Variants in FAM131C observed in about 807,000 individuals in gnomAD.
The protein encoded by FAM131C is family with sequence similarity 131 member C.
In FAM131C, 14 loss-of-function variants were observed where a neutral mutation model predicts 29.8. That is an observed-to-expected ratio of 0.47 (90% CI 0.31 to 0.73). FAM131C has a LOEUF of 0.73. Ranked by LOEUF, FAM131C falls within the 30% of genes least tolerant of loss-of-function variation. The probability of loss-of-function intolerance (pLI) is 0.05; values close to 1 mark genes in which losing one functional copy is unlikely to be tolerated. For synonymous variants in FAM131C, 86 were observed against 157.8 expected, an observed-to-expected ratio of 0.54 and a Z score of 3.41; for missense variants, 252 against 383.8, an observed-to-expected ratio of 0.66 and a Z score of 2.87.
Position 16,060,674 on chromosome 1 carries a change from T to C in FAM131C, c.269-623A>G, listed in dbSNP as rs999042076. Among the ~76,000 whole-genome samples the C allele has an allele frequency of 1.1e-4, 17 of 152,202 alleles. No homozygotes were observed. The East Asian group carries it at 2.7e-3, about 24-fold the overall frequency. ...AGATGAGAAGAGGATGAAGGCATGG[T>C]AGTGTCTGGCGTGAGTCCAGGATTA... On this transcript the variant is annotated intron_variant, in intron 4 of 6. Transcript: ENST00000375662.
At chr1:16,072,720 G>A (rs1431570118) in intron 1 of FAM131C, among the ~76,000 whole-genome samples, 38 of 152,150 alleles carry the variant, frequency 2.5e-4, no homozygotes, top group Admixed American at 2.5e-3. Context: ...CCTGCCCTGG[G>A]CCCCCAGGCA....
In FAM131C at chr1:16,062,384, C is replaced by G. The variant is rs767229610; in HGVS notation, c.174+115G>C. 43 of 810,882 alleles carry G rather than the reference C, an allele frequency of 5.3e-5. 1 individual carries two copies. In the South Asian group the frequency reaches 6.8e-4, roughly 13 times the overall value. 50.2% of individuals were successfully genotyped at this position (810,882 alleles called of 1,614,324 possible). A position where few individuals can be genotyped will look rare whatever the true frequency, so the allele number is the denominator to read the frequency against. ...CCCCACCCACTGTTTCATCAGGCCCCCCCCCCCCCCGCCCCAGGGCCAGCA... is the reference window on the plus strand; with the variant it reads ...CCCCACCCACTGTTTCATCAGGCCCGCCCCCCCCCCGCCCCAGGGCCAGCA... On this transcript the variant is annotated intron_variant, in intron 3 of 6. Transcript: ENST00000375662.
chr1:16,061,127 C>T (rs2023587470), intron 4 of FAM131C, among the ~76,000 whole-genome samples: 1 of 151,986 alleles, frequency 6.6e-6, no homozygotes, highest in Non-Finnish European at 1.5e-5. Context: ...GAAATATCCA[C>T]AAAGGTAATT....
At chr1:16,062,394 C>CCCCCGG in intron 3 of FAM131C, 105 bp downstream of exon 3, 2 of 1,172,014 alleles carry the variant, frequency 1.7e-6, no homozygotes, top group Non-Finnish European at 2.3e-6. Context: ...CCCCCCCCCC[C>CCCCCGG]GCCCCAGGGC....
intron 3 of FAM131C, 114 bp downstream of exon 3, chr1:16,062,385 C>G (rs1346765147): frequency 1.4e-5 from 16 of 1,143,358 alleles, no homozygotes; most frequent in Non-Finnish European, 1.8e-5. Context: ...ATCAGGCCCC[C>G]CCCCCCCCCG....
intron 1 of FAM131C, among the ~76,000 whole-genome samples, chr1:16,064,403 T>G (rs927263089): frequency 6.6e-6 from 1 of 152,148 alleles, no homozygotes; most frequent in Non-Finnish European, 1.5e-5. Flanking sequence ...GGAAGAGCTG[T>G]TCCTGCTGCA....
At position 16,070,457 on chromosome 1, in the gene FAM131C, C is replaced by T. The variant is rs370817736; in HGVS notation, c.22+2964G>A. Among the ~76,000 whole-genome samples the T allele has an allele frequency of 2.9e-4, 44 of 152,210 alleles. No homozygotes were observed. In the East Asian group the frequency reaches 4.6e-3, roughly 16 times the overall value. ...TAAAACCTCTGTAGGTTTCCCCTTC[C>T]AGCCATGAAGGCCCACATTAGCTGT... is the stretch of plus-strand genomic sequence containing the variant. On this transcript the variant is annotated intron_variant, in intron 1 of 6. Transcript: ENST00000375662.
At chr1:16,061,025 A>C (rs1409417078) in intron 4 of FAM131C, among the ~76,000 whole-genome samples, 2 of 152,126 alleles carry the variant, frequency 1.3e-5, no homozygotes, top group Admixed American at 6.5e-5. Context: ...GGAATGGTTC[A>C]GCATCACCAT....
In FAM131C at chr1:16,059,890, G is replaced by T. The variant is rs781054255; in HGVS notation, c.430C>A (p.Arg144Ser). ...TGACCTGCAGCAAAGCGGGCCTCAC[G>T]CAGCTCATCCGGGAGGCAGCAGTAA... ...EHYCCLPDEL[R>S]EARFAAGVAE... The change falls in exon 5 of 7, where the codon CGT (arginine) becomes AGT (serine). Residue 144 changes from arginine (R) to serine (S), a missense_variant. Coordinates refer to ENST00000375662, the MANE Select transcript of FAM131C (RefSeq NM_182623.3). 1.3e-5 allele frequency: 16 copies of T among 1,268,958 alleles called. No individual in the cohort carries two copies. In the East Asian group the frequency reaches 2.0e-4, roughly 16 times the overall value. 78.6% of individuals were successfully genotyped at this position (1,268,958 alleles called of 1,614,324 possible).
chr1:16,068,607 G>A (rs2023711908), intron 1 of FAM131C, among the ~76,000 whole-genome samples: 1 of 152,238 alleles, frequency 6.6e-6, no homozygotes, highest in Admixed American at 6.5e-5. Flanking sequence ...AGTGGACTGA[G>A]TGTCCCCTCC....
chr1:16,062,915 C>A (rs2023623841), intron 2 of FAM131C, among the ~76,000 whole-genome samples: 2 of 152,250 alleles, frequency 1.3e-5, no homozygotes, highest in Non-Finnish European at 2.9e-5. Context: ...ATAACGGAGG[C>A]TGAGAAGAGC....
chr1:16,064,427 G>A (rs913112279), intron 1 of FAM131C, among the ~76,000 whole-genome samples: 2 of 152,082 alleles, frequency 1.3e-5, no homozygotes, highest in Non-Finnish European at 2.9e-5. Context: ...AAGACCTTCT[G>A]GCCCATCCAC....
chr1:16,066,390 T>A (rs1368828361), intron 1 of FAM131C, among the ~76,000 whole-genome samples: 2 of 152,166 alleles, frequency 1.3e-5, no homozygotes, highest in Non-Finnish European at 2.9e-5. Flanking sequence ...CAGCACGGGA[T>A]CCTGTGGACT....
Position 16,059,511 on chromosome 1 carries a change from C to T in FAM131C, c.545G>A (p.Gly182Asp), listed in dbSNP as rs773252614. The T allele has an allele frequency of 4.0e-5, 65 of 1,610,560 alleles. 1 individual carries two copies. The South Asian group carries it at 5.2e-4, about 13-fold the overall frequency. ...EELHPENSPQ[G>D]IVQLQDLESI... ...GGCTGTACCTTGGAGCTGGACGATG[C>T]CTTGGGGGCTGTTCTCGGGGTGCAG... is the stretch of plus-strand genomic sequence containing the variant. Residue 182 changes from glycine (G) to aspartate (D), a missense_variant, in exon 6 of 7, where the codon GGC becomes GAC. Transcript: ENST00000375662.
rs1417011203 is a variant in FAM131C at position 16,058,328 on chromosome 1, G to A, written c.*109C>T. On this transcript the variant is annotated 3_prime_UTR_variant, in exon 7 of 7. Coordinates refer to ENST00000375662, the MANE Select transcript of FAM131C (RefSeq NM_182623.3). ...TGCCGCACCTACCCTGTGCCTACCCGAGGGGTCAAGGGATGCCCTGCCCTG... is the reference window on the plus strand; with the variant it reads ...TGCCGCACCTACCCTGTGCCTACCCAAGGGGTCAAGGGATGCCCTGCCCTG... 36 of 1,226,266 alleles carry A rather than the reference G, an allele frequency of 2.9e-5. No homozygotes were observed. The African/African-American group carries it at 3.3e-4, about 11-fold the overall frequency. 76.0% of individuals were successfully genotyped at this position (1,226,266 alleles called of 1,614,324 possible).
chr1:16,063,410 G>A, intron 2 of FAM131C, 111 bp downstream of exon 2: 1 of 828,066 alleles, frequency 1.2e-6, no homozygotes, highest in Non-Finnish European at 2.0e-6. Flanking sequence ...ACAGGGAGAA[G>A]CGGGTTTGGC....
At chr1:16,066,746 A>G (rs2023688230) in intron 1 of FAM131C, among the ~76,000 whole-genome samples, 1 of 152,246 alleles carries the variant, frequency 6.6e-6, no homozygotes, top group Admixed American at 6.5e-5. Context: ...ACACAGAGTA[A>G]AAATTTTCTC....
chr1:16,070,737 G>C (rs2023740151), intron 1 of FAM131C, among the ~76,000 whole-genome samples: 1 of 152,210 alleles, frequency 6.6e-6, no homozygotes, highest in African/African-American at 2.4e-5. Flanking sequence ...CATGAATTAA[G>C]CCATTTAGTC....
At chr1:16,070,984 G>T (rs962343257) in intron 1 of FAM131C, among the ~76,000 whole-genome samples, 25 of 152,380 alleles carry the variant, frequency 1.6e-4, no homozygotes, top group African/African-American at 6.0e-4. Flanking sequence ...TTGGGGTTTG[G>T]CTGGGTGGCC....
Sources: gnomAD v4.1 joint callset for allele counts (sites outside exome capture counted in the v4.1 genomes callset) on GRCh38, gnomAD v4.1.1 for gene constraint, MANE v1.5 for transcripts, NCBI Gene and HGNC (gene_info 2026-07-23, HGNC 2026-07-21) for gene names.